Variants in ZNF423 observed in about 807,000 individuals in gnomAD.
The protein encoded by ZNF423 is zinc finger protein 423, also known as Ebf-associated zinc finger protein.
ZNF423 carries 12 observed loss-of-function variants against 95.8 expected under a neutral mutation model. The observed-to-expected ratio is 0.13, with a 90% CI of 0.08 to 0.20. The LOEUF (loss-of-function observed/expected upper bound fraction) is 0.20. Among genes scored for constraint, ZNF423 ranks in the 10% least tolerant of loss-of-function variants. ZNF423 has a pLI of 1.00. For synonymous variants in ZNF423, 749 were observed against 711.9 expected, an observed-to-expected ratio of 1.05 and a Z score of -0.83; for missense variants, 1,316 against 1,737.1, an observed-to-expected ratio of 0.76 and a Z score of 4.31.
At chr16:49,600,827 C>T (rs1295893209) in intron 5 of ZNF423, among the ~76,000 whole-genome samples, 2 of 152,194 alleles carry the variant, frequency 1.3e-5, no homozygotes, top group African/African-American at 4.8e-5. Context: ...ATGACTACCA[C>T]ATTGCCGAAA....
intron 1 of ZNF423, chr16:49,854,749 G>A (rs764864885): frequency 1.1e-5 from 11 of 985,410 alleles, no homozygotes; most frequent in Non-Finnish European, 1.3e-5. Flanking sequence ...CCTTTCCCCG[G>A]GGCCTCTACT....
At chr16:49,724,753 G>C (rs1167324784) in intron 3 of ZNF423, among the ~76,000 whole-genome samples, 2 of 152,198 alleles carry the variant, frequency 1.3e-5, no homozygotes, top group Non-Finnish European at 2.9e-5. Flanking sequence ...TTGTTGCACA[G>C]CAGCATTTCA....
intron 3 of ZNF423, among the ~76,000 whole-genome samples, chr16:49,649,672 G>GAGAC (rs1973324761): frequency 1.9e-4 from 3 of 15,688 alleles, no homozygotes; most frequent in Admixed American, 4.7e-4. Flanking sequence ...CACACACAGG[G>GAGAC]AGAGAGAGAG....
chr16:49,761,626 G>T (rs529825420), intron 2 of ZNF423, among the ~76,000 whole-genome samples: 12 of 152,186 alleles, frequency 7.9e-5, no homozygotes, highest in Non-Finnish European at 1.2e-4. Context: ...ACATGCGTGC[G>T]TATGGGAGCC....
At chr16:49,832,064 G>A (rs553319961) in intron 1 of ZNF423, among the ~76,000 whole-genome samples, 15 of 151,860 alleles carry the variant, frequency 9.9e-5, no homozygotes, top group Admixed American at 9.2e-4. Flanking sequence ...CTCCTCTAAA[G>A]TGGAGGCTCC....
At chr16:49,593,034 A>G (rs1239392805) in intron 5 of ZNF423, among the ~76,000 whole-genome samples, 1 of 152,182 alleles carries the variant, frequency 6.6e-6, no homozygotes, top group East Asian at 1.9e-4. Context: ...CAAATACCTG[A>G]TCAAGATGGA....
intron 7 of ZNF423, among the ~76,000 whole-genome samples, chr16:49,510,615 G>A (rs1967848121): frequency 1.3e-5 from 2 of 152,182 alleles, no homozygotes; most frequent in Non-Finnish European, 2.9e-5. Flanking sequence ...TCTGACAGGA[G>A]TGTCTGTGTC....
rs1248890301 is a variant in ZNF423 at position 49,815,898 on chromosome 16, ATATATATATATATATATTT to A, written c.41-26371_41-26353del. 1.2e-3 allele frequency among the ~76,000 whole-genome samples: 56 copies of A among 47,730 alleles called. 1 individual carries two copies. The highest frequency in any genetic ancestry group is 8.4e-3 in the South Asian group (9 of 1,066). The allele number at this position is 47,730 out of a possible 152,430, so 31.3% of individuals were successfully genotyped here. On this transcript the variant is annotated intron_variant, in intron 1 of 7. Transcript: ENST00000563137. ...AAAAAAAAAATATATATATATATAT[ATATATATATATATATATTT>A]TTTTTTTTTTTTTTTTTTTGAGACA...
At chr16:49,852,325 A>G (rs2035311008) in intron 1 of ZNF423, among the ~76,000 whole-genome samples, 1 of 152,192 alleles carries the variant, frequency 6.6e-6, no homozygotes, top group Non-Finnish European at 1.5e-5. Context: ...GAGAGAGAAA[A>G]TTGACAGTAT....
At position 49,609,737 on chromosome 16, in the gene ZNF423, T is replaced by TA. The variant is rs900024592; in HGVS notation, c.3601+16432dup. Among the ~76,000 whole-genome samples the TA allele has an allele frequency of 8.3e-3, 1,214 of 146,234 alleles. 8 individuals carry two copies. Among genetic ancestry groups the TA allele is most frequent in the African/African-American group, 0.028 (1,104 of 40,070 alleles). ...TTGTGATTCAAGTCCCAGAAGGAGATAAAAAAAAAAGAGGGCAGGATTGAA... is the reference window on the plus strand; with the variant it reads ...TTGTGATTCAAGTCCCAGAAGGAGATAAAAAAAAAAAGAGGGCAGGATTGAA... On this transcript the variant is annotated intron_variant, in intron 5 of 7. Coordinates refer to ENST00000563137, the MANE Select transcript of ZNF423 (RefSeq NM_001379286.1).
intron 5 of ZNF423, among the ~76,000 whole-genome samples, chr16:49,620,254 C>T (rs1276425365): frequency 6.6e-6 from 1 of 151,962 alleles, no homozygotes; most frequent in Non-Finnish European, 1.5e-5. Flanking sequence ...CACACACAGA[C>T]ACAAAACACA....
At position 49,620,599 on chromosome 16, in the gene ZNF423, C is replaced by T. The variant is rs916619767; in HGVS notation, c.3601+5571G>A. ...ACTTTCCAAGGACAGCAAGGGCAAG[C>T]GTTCCTGACAAGATTCCCTGAGGAC... On this transcript the variant is annotated intron_variant, in intron 5 of 7. Coordinates refer to ENST00000563137, the MANE Select transcript of ZNF423 (RefSeq NM_001379286.1). Among the ~76,000 whole-genome samples the T allele has an allele frequency of 3.9e-5, 6 of 152,310 alleles. No homozygotes were observed. In the South Asian group the frequency reaches 1.0e-3, roughly 26 times the overall value.
intron 1 of ZNF423, among the ~76,000 whole-genome samples, chr16:49,790,007 C>A (rs868258484): frequency 4.6e-5 from 7 of 152,120 alleles, no homozygotes; most frequent in East Asian, 1.9e-4. Flanking sequence ...AGCCTCCCCC[C>A]CATTCCACCC....
chr16:49,525,319 G>T (rs199706059), intron 6 of ZNF423, 44 bp downstream of exon 6: 2 of 1,608,316 alleles, frequency 1.2e-6, no homozygotes, highest in African/African-American at 2.7e-5. Flanking sequence ...CAGGGCTCCT[G>T]TGTTCATCTC....
At chr16:49,529,894 C>T (rs527403275) in intron 5 of ZNF423, among the ~76,000 whole-genome samples, 61 of 152,252 alleles carry the variant, frequency 4.0e-4, no homozygotes, top group African/African-American at 1.2e-3. Context: ...TACCCCCTCT[C>T]TTAGCAGGAA....
chr16:49,630,665 C>G (rs1033567766), intron 4 of ZNF423, among the ~76,000 whole-genome samples: 13 of 152,108 alleles, frequency 8.5e-5, no homozygotes, highest in African/African-American at 3.1e-4. Context: ...ATGCAGGGAA[C>G]AGTCCATGAT....
intron 1 of ZNF423, chr16:49,854,285 T>TTG (rs998365434): frequency 2.0e-6 from 2 of 985,264 alleles, no homozygotes; most frequent in Non-Finnish European, 2.4e-6. Flanking sequence ...TTGGACTCAG[T>TTG]TGGTCTCCTT....
At chr16:49,491,383 C>G in intron 7 of ZNF423, 79 bp from the exon 8 acceptor site, 1 of 1,547,502 alleles carries the variant, frequency 6.5e-7, no homozygotes, top group South Asian at 1.1e-5. Flanking sequence ...AGTGCATTTA[C>G]GCCGGGAGCC....
At chr16:49,695,718 C>T (rs760144533) in intron 3 of ZNF423, among the ~76,000 whole-genome samples, 2 of 152,262 alleles carry the variant, frequency 1.3e-5, no homozygotes, top group East Asian at 1.9e-4. Context: ...TGAGCCACCG[C>T]GCCAGGCCCC....
Sources: allele counts gnomAD v4.1 joint callset (sites outside exome capture counted in the v4.1 genomes callset), GRCh38; gene constraint gnomAD v4.1.1; transcripts MANE v1.5; gene names NCBI Gene and HGNC (gene_info 2026-07-23, HGNC 2026-07-21).